CSMD1: variants seen among roughly 807,000 people sequenced by gnomAD.
The protein encoded by CSMD1 is CUB and sushi domain-containing protein 1.
CSMD1 carries 213 observed loss-of-function variants against 417.5 expected under a neutral mutation model. The ratio of observed to expected loss-of-function variants is 0.51; its 90% CI spans 0.46 to 0.57. The LOEUF is 0.57. CSMD1 is among the 20% of genes least tolerant of loss of function. The probability of loss-of-function intolerance (pLI) is 0.00; values close to 1 mark genes in which losing one functional copy is unlikely to be tolerated. For synonymous variants in CSMD1, 2,862 were observed against 1,736.8 expected, an observed-to-expected ratio of 1.65 and a Z score of -16.11; for missense variants, 6,923 against 4,529.7, an observed-to-expected ratio of 1.53 and a Z score of -15.17.
At chr8:3,859,475 G>A (rs1804541414) in intron 5 of CSMD1, among the ~76,000 whole-genome samples, 1 of 152,194 alleles carries the variant, frequency 6.6e-6, no homozygotes, top group African/African-American at 2.4e-5. Flanking sequence ...GTTTCTGGGA[G>A]GAGAATCTTT....
At chr8:3,276,329 C>G (rs1378825352) in intron 26 of CSMD1, among the ~76,000 whole-genome samples, 5 of 152,150 alleles carry the variant, frequency 3.3e-5, no homozygotes, top group Non-Finnish European at 4.4e-5. Context: ...CTTCAAAGCT[C>G]AGATGGAAAT....
intron 3 of CSMD1, among the ~76,000 whole-genome samples, chr8:4,096,241 G>A (rs953544426): frequency 3.9e-5 from 6 of 152,044 alleles, no homozygotes; most frequent in Admixed American, 1.3e-4. Context: ...AAAAGCAACC[G>A]ACTTTCCCTG....
intron 10 of CSMD1, among the ~76,000 whole-genome samples, chr8:3,552,265 G>T (rs1585351283): frequency 6.6e-6 from 1 of 152,034 alleles, no homozygotes. Flanking sequence ...GACACAGAAA[G>T]CTTGAATACT....
intron 3 of CSMD1, among the ~76,000 whole-genome samples, chr8:4,217,346 A>T (rs1800745930): frequency 6.6e-6 from 1 of 152,216 alleles, no homozygotes; most frequent in African/African-American, 2.4e-5. Flanking sequence ...GGACTCTAAC[A>T]ATCAACTATA....
intron 1 of CSMD1, among the ~76,000 whole-genome samples, chr8:4,734,648 T>G (rs954330397): frequency 1.3e-5 from 2 of 152,236 alleles, no homozygotes; most frequent in African/African-American, 2.4e-5. Flanking sequence ...ATACTTTTTT[T>G]ATTTTAACAA....
intron 4 of CSMD1, among the ~76,000 whole-genome samples, chr8:4,025,742 T>C (rs1181000094): frequency 1.3e-5 from 2 of 152,198 alleles, no homozygotes; most frequent in African/African-American, 2.4e-5. Context: ...GTCTCATTTT[T>C]AATGTCAATG....
intron 23 of CSMD1, among the ~76,000 whole-genome samples, chr8:3,327,160 T>G (rs1007110627): frequency 1.6e-5 from 2 of 127,598 alleles, no homozygotes; most frequent in Non-Finnish European, 3.3e-5. Context: ...TTTTTTTTTT[T>G]GAAAGAGACT....
chr8:4,078,548 G>C (rs558915180), intron 3 of CSMD1, among the ~76,000 whole-genome samples: 28 of 151,774 alleles, frequency 1.8e-4, no homozygotes, highest in Admixed American at 3.9e-4. Context: ...ACAGGGGTGA[G>C]CCACTGCGCC....
chr8:4,450,530 G>C (rs1224304073), intron 2 of CSMD1, among the ~76,000 whole-genome samples: 1 of 152,086 alleles, frequency 6.6e-6, no homozygotes, highest in Non-Finnish European at 1.5e-5. Flanking sequence ...AGCTACTTGG[G>C]AGGCTGAGGC....
At chr8:3,925,713 T>C (rs920230567) in intron 5 of CSMD1, among the ~76,000 whole-genome samples, 3 of 152,176 alleles carry the variant, frequency 2.0e-5, no homozygotes, top group East Asian at 1.9e-4. Context: ...AAGTGCCTGT[T>C]ACCTCCCGCC....
intron 3 of CSMD1, among the ~76,000 whole-genome samples, chr8:4,107,609 G>C (rs1238152914): frequency 6.6e-6 from 1 of 152,166 alleles, no homozygotes; most frequent in East Asian, 1.9e-4. Flanking sequence ...CTGGGAGTAT[G>C]AGCGACTCAA....
intron 2 of CSMD1, among the ~76,000 whole-genome samples, chr8:4,469,764 A>C (rs1017104611): frequency 2.8e-4 from 42 of 152,084 alleles, no homozygotes; most frequent in Non-Finnish European, 1.8e-4. Flanking sequence ...GAGCCCTTGG[A>C]ATATGCCAGG....
chr8:3,894,387 C>A (rs763045863), intron 5 of CSMD1, among the ~76,000 whole-genome samples: 1 of 152,102 alleles, frequency 6.6e-6, no homozygotes, highest in African/African-American at 2.4e-5. Context: ...GGAGACACAT[C>A]CTTCATGGCT....
chr8:3,227,799 ACT>A (rs958640076), intron 27 of CSMD1, among the ~76,000 whole-genome samples: 1 of 149,326 alleles, frequency 6.7e-6, no homozygotes, highest in Admixed American at 6.7e-5. Context: ...ACAGAGTCTC[ACT>A]CTGTTGCACA....
At chr8:4,841,408 T>G (rs1800827835) in intron 1 of CSMD1, among the ~76,000 whole-genome samples, 1 of 152,200 alleles carries the variant, frequency 6.6e-6, no homozygotes, top group Non-Finnish European at 1.5e-5. Flanking sequence ...CTGCCCTTTT[T>G]ATTCTAAAAA....
At chr8:3,541,119 G>C (rs753964467) in intron 10 of CSMD1, among the ~76,000 whole-genome samples, 1 of 152,154 alleles carries the variant, frequency 6.6e-6, no homozygotes, top group African/African-American at 2.4e-5. Flanking sequence ...GCAAAGACAT[G>C]GAATCAACCC....
At chr8:3,182,249 A>G (rs1253014423) in intron 36 of CSMD1, among the ~76,000 whole-genome samples, 3 of 152,182 alleles carry the variant, frequency 2.0e-5, no homozygotes, top group Admixed American at 2.0e-4. Flanking sequence ...ATATCCCCCA[A>G]CAGATTTTAT....
chr8:3,591,285 T>C lies in CSMD1; in HGVS notation c.1098-5025A>G, dbSNP rs186074758. Among the ~76,000 whole-genome samples the C allele has an allele frequency of 3.3e-5, 5 of 152,326 alleles. No individual in the cohort carries two copies. The East Asian group carries it at 7.7e-4, about 24-fold the overall frequency. On this transcript the variant is annotated intron_variant, in intron 8 of 69. Coordinates refer to ENST00000635120, the MANE Select transcript of CSMD1 (RefSeq NM_033225.6). ...AAACATACATTTTCTGCTTCTTCAATGCTTAACACTTCTGAAATTGCTCCG... is the reference window on the plus strand; with the variant it reads ...AAACATACATTTTCTGCTTCTTCAACGCTTAACACTTCTGAAATTGCTCCG...
intron 1 of CSMD1, among the ~76,000 whole-genome samples, chr8:4,760,801 C>T (rs1056220195): frequency 5.9e-5 from 9 of 152,076 alleles, no homozygotes; most frequent in Non-Finnish European, 1.2e-4. Flanking sequence ...AACAAAAACA[C>T]GCAAAAAGAT....
Sources: gnomAD v4.1 joint callset for allele counts (sites outside exome capture counted in the v4.1 genomes callset) on GRCh38, gnomAD v4.1.1 for gene constraint, MANE v1.5 for transcripts, NCBI Gene and HGNC (gene_info 2026-07-23, HGNC 2026-07-21) for gene names.